The following MLPH variants were observed in gnomAD, a reference collection of about 807,000 sequenced individuals.
The protein encoded by MLPH is exophilin-3.
MLPH carries 51 observed loss-of-function variants against 72.1 expected under a neutral mutation model. The ratio of observed to expected loss-of-function variants is 0.71; its 90% CI spans 0.56 to 0.89. The LOEUF is 0.89. Ranked by LOEUF, MLPH falls within the 40% of genes least tolerant of loss-of-function variation. MLPH has a pLI of 0.00. For synonymous variants in MLPH, 301 were observed against 310.1 expected (o/e 0.97, Z 0.31); for missense variants, 743 against 759.9 (o/e 0.98, Z 0.26).
At chr2:237,549,360 G>GTT (rs2080986370) in intron 14 of MLPH, 82 bp downstream of exon 14, 1 of 1,249,528 alleles carries the variant, frequency 8.0e-7, no homozygotes, top group African/African-American at 1.5e-5. Context: ...AGCTCTGTGT[G>GTT]TTTCTTCATT....
intron 8 of MLPH, among the ~76,000 whole-genome samples, chr2:237,534,345 CT>C (rs1338767797): frequency 6.6e-6 from 1 of 152,214 alleles, no homozygotes; most frequent in Non-Finnish European, 1.5e-5. Context: ...CCACTCTCCC[CT>C]CTCTTGGTTC....
At position 237,540,889 on chromosome 2, in the gene MLPH, G is replaced by A. The variant is rs956643448; in HGVS notation, c.1378G>A (p.Glu460Lys). The A allele has an allele frequency of 9.9e-6, 16 of 1,613,038 alleles. No homozygotes were observed. Among genetic ancestry groups the A allele is most frequent in the Admixed American group, 1.7e-5 (1 of 59,966 alleles). The change falls in exon 11 of 16, where the codon GAG becomes AAG. Residue 460 changes from glutamate (E) to lysine (K), a missense_variant. Coordinates refer to ENST00000264605, the MANE Select transcript of MLPH (RefSeq NM_024101.7). Reference sequence around the variant, plus strand: ...CGTCCAGTACAACAGGACCACAGATGAGGAGCTGTCAGAGCTGGAGGACAG... The same window carrying A: ...CGTCCAGTACAACAGGACCACAGATAAGGAGCTGTCAGAGCTGGAGGACAG... ...DPVQYNRTTD[E>K]ELSELEDRVA...
intron 14 of MLPH, among the ~76,000 whole-genome samples, chr2:237,549,959 C>T (rs2080999245): frequency 6.6e-6 from 1 of 152,244 alleles, no homozygotes; most frequent in South Asian, 2.1e-4. Context: ...ATCCTTGGCT[C>T]CCAACTGCCT....
At chr2:237,503,761 A>G (rs1172570061) in intron 2 of MLPH, among the ~76,000 whole-genome samples, 1 of 152,078 alleles carries the variant, frequency 6.6e-6, no homozygotes, top group African/African-American at 2.4e-5. Flanking sequence ...TGGGAGTACA[A>G]TCTGACCTCA....
chr2:237,526,673 G>C (rs1407283943), intron 7 of MLPH, among the ~76,000 whole-genome samples: 2 of 152,196 alleles, frequency 1.3e-5, no homozygotes, highest in Admixed American at 1.3e-4. Flanking sequence ...AGCTGCCTCA[G>C]AGTCAGGCAG....
chr2:237,511,265 TGC>T, intron 4 of MLPH, 164 bp downstream of exon 4: 1 of 569,340 alleles, frequency 1.8e-6, no homozygotes, highest in Non-Finnish European at 3.1e-6. Context: ...TGCTTCTGGC[TGC>T]TTTTTTTTTT....
At chr2:237,517,954 G>A (rs145889852) in intron 4 of MLPH, 2 of 197,162 alleles carry the variant, frequency 1.0e-5, no homozygotes, top group Non-Finnish European at 2.1e-5. Context: ...TAGATGGATA[G>A]ATGGGCCACT....
Position 237,536,693 on chromosome 2 carries a change from C to T in MLPH, c.1104+2046C>T, listed in dbSNP as rs2080538213. On this transcript the variant is annotated intron_variant, in intron 9 of 15. Transcript: ENST00000264605. ...CCCAGGTCTCACTCGGGCCTCGGCT[C>T]TGCCTCTCAGGTGGACACTGGAGAT... Among the ~76,000 whole-genome samples the T allele has an allele frequency of 4.6e-5, 7 of 152,328 alleles. No homozygotes were observed. In the South Asian group the frequency reaches 1.4e-3, roughly 32 times the overall value.
At position 237,545,539 on chromosome 2, in the gene MLPH, G is replaced by A. The variant is rs140292050; in HGVS notation, c.1540-1067G>A. 904 of 1,288,736 alleles carry A rather than the reference G, an allele frequency of 7.0e-4. 6 individuals carry two copies. In the African/African-American group the frequency reaches 0.011, roughly 16 times the overall value. 79.8% of individuals were successfully genotyped at this position (1,288,736 alleles called of 1,614,324 possible). On this transcript the variant is annotated intron_variant, in intron 12 of 15. Transcript: ENST00000264605. ...GACAGTGTAAAATCCAAAAGGAGCC[G>A]CCTGAATCATGTTGCCTCATGTGGA...
At chr2:237,551,752 C>T (rs1054215097) in intron 14 of MLPH, among the ~76,000 whole-genome samples, 1 of 151,832 alleles carries the variant, frequency 6.6e-6, no homozygotes, top group African/African-American at 2.4e-5. Flanking sequence ...CCAAGGCGGG[C>T]GGATCACTTG....
chr2:237,498,526 C>T lies in MLPH; in HGVS notation c.110+4990C>T, dbSNP rs2079582021. The stretch of plus-strand genomic sequence containing the variant: ...ACCCCCATGAGCAGCATCCTGTCCC[C>T]AAGCCACGGAAGCTCCTGCTCCCTT... On this transcript the variant is annotated intron_variant, in intron 2 of 15. Coordinates refer to ENST00000264605, the MANE Select transcript of MLPH (RefSeq NM_024101.7). Among the ~76,000 whole-genome samples the T allele has an allele frequency of 5.3e-5, 8 of 152,350 alleles. No homozygotes were observed. In the South Asian group the frequency reaches 1.7e-3, roughly 32 times the overall value.
intron 9 of MLPH, 141 bp from the exon 10 acceptor site, chr2:237,540,207 G>A: frequency 1.1e-6 from 1 of 919,496 alleles, no homozygotes; most frequent in South Asian, 1.7e-5. Context: ...TGTTGGACAA[G>A]CTGGCATGGA....
At chr2:237,494,062 C>G (rs1365506937) in intron 2 of MLPH, among the ~76,000 whole-genome samples, 1 of 152,226 alleles carries the variant, frequency 6.6e-6, no homozygotes, top group Non-Finnish European at 1.5e-5. Context: ...TTCCTCCCCC[C>G]TCTATCTTCT....
chr2:237,505,252 G>A lies in MLPH; in HGVS notation c.111-5322G>A, dbSNP rs910761526. Reference sequence around the variant, plus strand: ...GGCTGGTATGTGAAGGGTACTGGCCGGGCACTGAGATACGGATGGCACCCA... The same window carrying A: ...GGCTGGTATGTGAAGGGTACTGGCCAGGCACTGAGATACGGATGGCACCCA... On this transcript the variant is annotated intron_variant, in intron 2 of 15. Coordinates refer to ENST00000264605, the MANE Select transcript of MLPH (RefSeq NM_024101.7). The surrounding 1 kb of genome is among the most constrained non-coding windows in gnomAD (Gnocchi z 4.5). Among the ~76,000 whole-genome samples the A allele has an allele frequency of 5.9e-5, 9 of 152,122 alleles. No homozygotes were observed. Among genetic ancestry groups the A allele is most frequent in the East Asian group, 3.9e-4 (2 of 5,194 alleles).
chr2:237,549,394 C>A, intron 14 of MLPH, 116 bp downstream of exon 14: 1 of 1,039,698 alleles, frequency 9.6e-7, no homozygotes, highest in Non-Finnish European at 1.5e-6. Flanking sequence ...ATCTCATGTC[C>A]TGACTCCCAA....
chr2:237,546,694 C>T lies in MLPH; in HGVS notation c.1617+11C>T, dbSNP rs778410451. 7.4e-6 allele frequency: 12 copies of T among 1,611,810 alleles called. No homozygotes were observed. The highest frequency in any genetic ancestry group is 3.3e-4 in the Middle Eastern group (2 of 6,048). Reference sequence around the variant, plus strand: ...TCAAGTGAGGCCAAGGTATGTGTTACTCCATTCAAGCCCCAGACACCCGAC... The same window carrying T: ...TCAAGTGAGGCCAAGGTATGTGTTATTCCATTCAAGCCCCAGACACCCGAC... On this transcript the variant is annotated intron_variant, in intron 13 of 15. Transcript: ENST00000264605.
intron 6 of MLPH, among the ~76,000 whole-genome samples, chr2:237,523,900 T>G (rs1454278418): frequency 6.8e-6 from 1 of 148,032 alleles, no homozygotes; most frequent in Non-Finnish European, 1.5e-5. Context: ...GGAGCAGTGT[T>G]TGAAGGCCTC....
At chr2:237,549,922 T>C (rs1028585863) in intron 14 of MLPH, among the ~76,000 whole-genome samples, 42 of 152,212 alleles carry the variant, frequency 2.8e-4, no homozygotes, top group African/African-American at 8.9e-4. Context: ...TTGCAGACAG[T>C]GTGTGTCCCT....
intron 1 of MLPH, among the ~76,000 whole-genome samples, chr2:237,492,815 G>T (rs1323072042): frequency 6.6e-6 from 1 of 152,172 alleles, no homozygotes; most frequent in Non-Finnish European, 1.5e-5. Context: ...ACGCCCAGAG[G>T]ATGGTGAAAC....
Sources: allele counts gnomAD v4.1 joint callset (sites outside exome capture counted in the v4.1 genomes callset), GRCh38; gene constraint gnomAD v4.1.1; non-coding constraint Gnocchi (gnomAD v3.1); transcripts MANE v1.5; gene names NCBI Gene and HGNC (gene_info 2026-07-23, HGNC 2026-07-21).